Variants in MAP1A observed in about 807,000 individuals in gnomAD.
The protein encoded by MAP1A is microtubule associated protein 1A, also known as microtubule-associated protein 1A.
MAP1A carries 42 observed loss-of-function variants against 185.9 expected under a neutral mutation model. That is an observed-to-expected ratio of 0.23 (90% CI 0.18 to 0.29). MAP1A has a LOEUF of 0.29. Among genes scored for constraint, MAP1A ranks in the 10% least tolerant of loss-of-function variants. The pLI is 1.00. For missense variants in MAP1A, 2,995 were observed against 3,450.4 expected, an observed-to-expected ratio of 0.87 and a Z score of 3.31; for synonymous variants, 1,229 against 1,335.9, an observed-to-expected ratio of 0.92 and a Z score of 1.74.
At position 43,530,630 on chromosome 15, in the gene MAP1A, G is replaced by A. The variant is rs689931; in HGVS notation, c.*406G>A. On this transcript the variant is annotated 3_prime_UTR_variant, in exon 6 of 6. Coordinates refer to ENST00000300231, the MANE Select transcript of MAP1A (RefSeq NM_002373.6). ...AATCTATTTATTTGGCATCCTGGGA[G>A]GGATTTCCAATAGTAATTTATGTGA... 158,657 of 174,258 alleles carry A rather than the reference G, an allele frequency of 0.91. 72,541 individuals carry two copies. Among genetic ancestry groups the A allele is most frequent in the East Asian group, 1 (6,637 of 6,644 alleles). 10.8% of individuals were successfully genotyped at this position (174,258 alleles called of 1,614,324 possible).
upstream of MAP1A, among the ~76,000 whole-genome samples, chr15:43,513,966 G>A (rs534345230): frequency 1.3e-5 from 2 of 152,242 alleles, no homozygotes; most frequent in Non-Finnish European, 2.9e-5. Context: ...ACAGAGACTT[G>A]AGAGTAGGCT....
Position 43,523,345 on chromosome 15 carries a change from G to T in MAP1A, c.1872G>T (p.Glu624Asp). Reference sequence around the variant, plus strand: ...CAGAGGAAGAGAAAGATACCTGGGAGGAAAAGAAGCAGAGGGAAGCAGAGA... The same window carrying T: ...CAGAGGAAGAGAAAGATACCTGGGATGAAAAGAAGCAGAGGGAAGCAGAGA... ...AETEEEKDTW[E>D]EKKQREAERL... Residue 624 changes from glutamate (E) to aspartate (D), a missense_variant, in exon 4 of 6, where the codon GAG becomes GAT. By Grantham distance (45) the Glu-to-Asp change is conservative. Coordinates refer to ENST00000300231, the MANE Select transcript of MAP1A (RefSeq NM_002373.6). 1 of 1,610,238 alleles carries T rather than the reference G, an allele frequency of 6.2e-7. No homozygotes were observed. The highest frequency in any genetic ancestry group is 8.5e-7 in the Non-Finnish European group (1 of 1,178,082).
At position 43,524,089 on chromosome 15, in the gene MAP1A, C is replaced by A; in HGVS notation, c.2616C>A (p.Val872=). 6.2e-7 allele frequency: 1 copy of A among 1,614,098 alleles called. No individual in the cohort carries two copies. Among genetic ancestry groups the A allele is most frequent in the South Asian group, 1.1e-5 (1 of 91,080 alleles). ...TGKSSLLLDT[V]TSIPSSRTEA... ...AGAGCTCCCTGCTGCTTGACACAGT[C>A]ACAAGCATCCCTTCCTCCCGTACTG... The change falls in exon 4 of 6, where the codon GTC becomes GTA. Residue 872 remains valine, a synonymous_variant. Coordinates refer to ENST00000300231, the MANE Select transcript of MAP1A (RefSeq NM_002373.6).
Position 43,522,724 on chromosome 15 carries a change from C to T in MAP1A, c.1251C>T (p.Asp417=), listed in dbSNP as rs1224702524. The T allele has an allele frequency of 1.3e-6, 2 of 1,586,658 alleles. No homozygotes were observed. Among genetic ancestry groups the T allele is most frequent in the Non-Finnish European group, 1.7e-6 (2 of 1,165,704 alleles). The change falls in exon 4 of 6, where the codon GAC becomes GAT. Residue 417 remains aspartate (D), a synonymous_variant. Coordinates refer to ENST00000300231, the MANE Select transcript of MAP1A (RefSeq NM_002373.6). The surrounding 1 kb of genome is among the most constrained non-coding windows in gnomAD (Gnocchi z 5.9). ...EKISKLEEKK[D]KEKKEIKKER... ...TATCAAAGCTGGAAGAAAAAAAAGA[C>T]AAGGAGAAAAAAGAGATCAAAAAGG...
chr15:43,518,707 C>CT (rs2079307865), intron 1 of MAP1A, among the ~76,000 whole-genome samples: 2 of 110,138 alleles, frequency 1.8e-5, no homozygotes, highest in South Asian at 3.2e-4. Context: ...CACCGCAGCC[C>CT]ACCCCCCCCC....
chr15:43,518,065 G>A (rs528552287), intron 1 of MAP1A, among the ~76,000 whole-genome samples: 1 of 152,124 alleles, frequency 6.6e-6, no homozygotes, highest in East Asian at 1.9e-4. Flanking sequence ...GAGAAAGGGG[G>A]ATGTTATGGG....
In MAP1A at chr15:43,528,450, G is replaced by T. The variant is rs769142650; in HGVS notation, c.6977G>T (p.Gly2326Val). Residue 2326 changes from glycine (G) to valine (V), a missense_variant, in exon 4 of 6, where the codon GGA becomes GTA. Transcript: ENST00000300231. Reference sequence around the variant, plus strand: ...CTAGCTCCAGCTCCAAGCCTGCCTGGAGACATGGGTGATGGCATCCTGCCG... The same window carrying T: ...CTAGCTCCAGCTCCAAGCCTGCCTGTAGACATGGGTGATGGCATCCTGCCG... ...LALAPAPSLP[G>V]DMGDGILPCH... The T allele has an allele frequency of 6.2e-7, 1 of 1,613,522 alleles. No homozygotes were observed. Among genetic ancestry groups the T allele is most frequent in the East Asian group, 2.2e-5 (1 of 44,884 alleles).
In MAP1A at chr15:43,529,066, C is replaced by T. The variant is rs758269447; in HGVS notation, c.7593C>T (p.Leu2531=). The part of the protein sequence containing the change: ...ECPSITAEAA[L]DSDEDGDFLP... ...CGTCCATCACAGCTGAGGCAGCCCT[C>T]GACTCAGATGAAGATGGAGACTTCC... Residue 2531 remains leucine (L), a synonymous_variant, in exon 4 of 6, where the codon CTC becomes CTT. Transcript: ENST00000300231. The surrounding 1 kb of genome is among the most constrained non-coding windows in gnomAD (Gnocchi z 4.3). 6 of 1,613,902 alleles carry T rather than the reference C, an allele frequency of 3.7e-6. No homozygotes were observed. Among genetic ancestry groups the T allele is most frequent in the East Asian group, 2.2e-5 (1 of 44,866 alleles).
rs756247468 is a variant in MAP1A, at chr15:43,528,582, C to T, written c.7109C>T (p.Pro2370Leu). ...CCAACTGAAACCAGCCCTAACCCCC[C>T]AGGCCCTGCCCCAGCCAAGGCTGAA... is the stretch of plus-strand genomic sequence containing the variant. Reference protein sequence around the residue: ...NGPTETSPNPPGPAPAKAENE... With the variant: ...NGPTETSPNPLGPAPAKAENE... Residue 2370 changes from proline (P) to leucine (L), a missense_variant, in exon 4 of 6, where the codon CCA becomes CTA. Physicochemically the swap from Pro to Leu is moderately conservative, Grantham distance 98. This residue lies in a region of MAP1A where 2,728 missense variants were observed against 2,986.0 expected (regional missense o/e 0.91). Coordinates refer to ENST00000300231, the MANE Select transcript of MAP1A (RefSeq NM_002373.6). 2.5e-6 allele frequency: 4 copies of T among 1,613,836 alleles called. No homozygotes were observed. Among genetic ancestry groups the T allele is most frequent in the Non-Finnish European group, 3.4e-6 (4 of 1,180,030 alleles).
chr15:43,527,238 C>G lies in MAP1A; in HGVS notation c.5765C>G (p.Ala1922Gly). 1 of 1,614,116 alleles carries G rather than the reference C, an allele frequency of 6.2e-7. No individual in the cohort carries two copies. Among genetic ancestry groups the G allele is most frequent in the African/African-American group, 1.3e-5 (1 of 75,040 alleles). ...GGGGAAAGGGAAGAAGAAGGTAGGG[C>G]TGAGGCTCCTGACAAAAGCTCACAC... is the stretch of plus-strand genomic sequence containing the variant. ...AEGEREEEGR[A>G]EAPDKSSHSS... The change falls in exon 4 of 6, where the codon GCT becomes GGT. Residue 1922 changes from alanine (A) to glycine (G), a missense_variant. Ala to Gly is a moderately conservative substitution (Grantham distance 60). Around this residue, in one of 3 missense-constraint regions of MAP1A, gnomAD observed 2,728 missense variants for 2,986.0 expected, o/e 0.91. Transcript: ENST00000300231.
chr15:43,524,877 A>G lies in MAP1A; in HGVS notation c.3404A>G (p.Asp1135Gly), dbSNP rs764656168. Residue 1135 changes from aspartate (D) to glycine (G), a missense_variant, in exon 4 of 6, where the codon GAT becomes GGT. Physicochemically the swap from Asp to Gly is moderately conservative, Grantham distance 94. This residue lies in a region of MAP1A where 2,728 missense variants were observed against 2,986.0 expected (regional missense o/e 0.91). Transcript: ENST00000300231. ...LPQEPGKPQK[D>G]EVLRYPDRSL... is the part of the protein sequence containing the mutation. ...CAAGAACCTGGCAAACCTCAGAAAG[A>G]TGAGGTGCTCAGATATCCTGACCGA... 4 of 1,614,054 alleles carry G rather than the reference A, an allele frequency of 2.5e-6. No homozygotes were observed. The African/African-American group carries it at 5.3e-5, about 22-fold the overall frequency.
Position 43,521,489 on chromosome 15 carries a change from G to C in MAP1A, c.16G>C (p.Glu6Gln). 6.2e-7 allele frequency: 1 copy of C among 1,614,156 alleles called. No individual in the cohort carries two copies. Among genetic ancestry groups the C allele is most frequent in the South Asian group, 1.1e-5 (1 of 91,084 alleles). ...TCTGCCCACCATGGACGGCGTGGCTGAGTTCTCCGAGTATGTCTCTGAGAC... is the reference window on the plus strand; with the variant it reads ...TCTGCCCACCATGGACGGCGTGGCTCAGTTCTCCGAGTATGTCTCTGAGAC... Reference protein sequence around the residue: MDGVAEFSEYVSETVD... With the variant: MDGVAQFSEYVSETVD... Residue 6 changes from glutamate to glutamine, a missense_variant, in exon 4 of 6, where the codon GAG becomes CAG. This residue lies in a region of MAP1A where 264 missense variants were observed against 435.3 expected (regional missense o/e 0.61). Transcript: ENST00000300231. This position sits in a 1 kb window ranked among gnomAD's most constrained non-coding sequence, Gnocchi z 4.6.
chr15:43,514,786 G>A (rs568536728), upstream of MAP1A, among the ~76,000 whole-genome samples: 16 of 152,288 alleles, frequency 1.1e-4, no homozygotes, highest in African/African-American at 3.6e-4. Context: ...TGGATCTTCC[G>A]AGCATTCTAA....
intron 1 of MAP1A, chr15:43,512,135 C>A: frequency 2.0e-6 from 2 of 1,005,718 alleles, no homozygotes; most frequent in South Asian, 1.4e-5. Flanking sequence ...CCTGCAGTCT[C>A]ACCACCCTAC....
Position 43,526,367 on chromosome 15 carries a change from A to C in MAP1A, c.4894A>C (p.Arg1632=), listed in dbSNP as rs2140208834. Residue 1632 remains arginine, a synonymous_variant, in exon 4 of 6, where the codon AGG becomes CGG. Coordinates refer to ENST00000300231, the MANE Select transcript of MAP1A (RefSeq NM_002373.6). The surrounding 1 kb of genome is among the most constrained non-coding windows in gnomAD (Gnocchi z 4.7). ...GLEESLVQEG[R]AREQEEKYWR... Reference sequence around the variant, plus strand: ...GGAAGAGAGCCTAGTGCAGGAGGGCAGGGCCAGAGAGCAGGAAGAAAAGTA... The same window carrying C: ...GGAAGAGAGCCTAGTGCAGGAGGGCCGGGCCAGAGAGCAGGAAGAAAAGTA... The C allele has an allele frequency of 6.2e-7, 1 of 1,614,214 alleles. No individual in the cohort carries two copies. The highest frequency in any genetic ancestry group is 8.5e-7 in the Non-Finnish European group (1 of 1,180,030).
In MAP1A at chr15:43,524,929, C is replaced by A. The variant is rs377389033; in HGVS notation, c.3456C>A (p.Ser1152=). The A allele has an allele frequency of 8.5e-5, 138 of 1,614,082 alleles. No homozygotes were observed. The African/African-American group carries it at 1.7e-3, about 20-fold the overall frequency. The change falls in exon 4 of 6, where the codon TCC becomes TCA. Residue 1152 remains serine (S), a synonymous_variant. Coordinates refer to ENST00000300231, the MANE Select transcript of MAP1A (RefSeq NM_002373.6). ...DRSLSPEDAE[S]LSVLSVPSPD... The stretch of plus-strand genomic sequence containing the variant: ...GCCTCTCTCCTGAAGATGCAGAATC[C>A]CTCTCTGTCCTCAGCGTGCCCTCCC...
chr15:43,529,624 C>T lies in MAP1A; in HGVS notation c.8036-26C>T. On this transcript the variant is annotated intron_variant, in intron 4 of 5. Coordinates refer to ENST00000300231, the MANE Select transcript of MAP1A (RefSeq NM_002373.6). The surrounding 1 kb of genome is among the most constrained non-coding windows in gnomAD (Gnocchi z 4.3). ...CCAAAAGGGTTCTACTTTTCCTCTA[C>T]AATGAATCCTGGCTTGTCTCTACAG... 1 of 1,611,816 alleles carries T rather than the reference C, an allele frequency of 6.2e-7. No homozygotes were observed. The highest frequency in any genetic ancestry group is 1.3e-5 in the African/African-American group (1 of 75,004).
chr15:43,523,285 C>A lies in MAP1A; in HGVS notation c.1812C>A (p.Gly604=), dbSNP rs990986621. The A allele has an allele frequency of 6.2e-7, 1 of 1,613,162 alleles. No homozygotes were observed. Among genetic ancestry groups the A allele is most frequent in the Non-Finnish European group, 8.5e-7 (1 of 1,179,566 alleles). The change falls in exon 4 of 6, where the codon GGC becomes GGA. Residue 604 remains glycine (G), a synonymous_variant. Coordinates refer to ENST00000300231, the MANE Select transcript of MAP1A (RefSeq NM_002373.6). ...TCCCAGAGGTCCCTGAGGAACAAGG[C>A]AGCAAGGACAGAGGCCTAGACTCTG... ...ELVPEVPEEQ[G]SKDRGLDSGA...
chr15:43,527,125 C>A lies in MAP1A; in HGVS notation c.5652C>A (p.Asp1884Glu). 1 of 1,608,294 alleles carries A rather than the reference C, an allele frequency of 6.2e-7. No homozygotes were observed. The change falls in exon 4 of 6, where the codon GAC becomes GAA. Residue 1884 changes from aspartate (D) to glutamate (E), a missense_variant. Asp to Glu is a conservative substitution (Grantham distance 45, BLOSUM62 2). This residue lies in a region of MAP1A where 2,728 missense variants were observed against 2,986.0 expected (regional missense o/e 0.91). Coordinates refer to ENST00000300231, the MANE Select transcript of MAP1A (RefSeq NM_002373.6). ...APFSWGTAEYDSVVAAVQEGA... is the reference protein window; with the variant it reads ...APFSWGTAEYESVVAAVQEGA... ...TCTCTTGGGGCACAGCCGAGTATGA[C>A]AGTGTGGTGGCTGCAGTGCAGGAGG...
Sources: allele counts gnomAD v4.1 joint callset (sites outside exome capture counted in the v4.1 genomes callset), GRCh38; gene constraint gnomAD v4.1.1; regional missense constraint gnomAD v4.1.1; non-coding constraint Gnocchi (gnomAD v3.1); transcripts MANE v1.5; gene names NCBI Gene and HGNC (gene_info 2026-07-23, HGNC 2026-07-21).